TMEM132D: variants seen among roughly 807,000 people sequenced by gnomAD.
TMEM132D encodes transmembrane protein 132D.
In TMEM132D, 21 loss-of-function variants were observed where a neutral mutation model predicts 62.3. The observed-to-expected ratio is 0.34, with a 90% CI of 0.24 to 0.49. TMEM132D has a LOEUF of 0.49. Ranked by LOEUF, TMEM132D falls within the 20% of genes least tolerant of loss-of-function variation. TMEM132D has a pLI of 0.99. For synonymous variants in TMEM132D, 621 were observed against 575.6 expected (o/e 1.08, Z -1.13); for missense variants, 1,346 against 1,402.8 (o/e 0.96, Z 0.65).
chr12:129,318,356 C>T (rs963536853), intron 4 of TMEM132D, among the ~76,000 whole-genome samples: 2 of 152,156 alleles, frequency 1.3e-5, no homozygotes, highest in African/African-American at 2.4e-5. Context: ...TAATACTCTT[C>T]CCCTTTTCCT....
At chr12:129,797,280 C>T (rs1225963653) in intron 1 of TMEM132D, among the ~76,000 whole-genome samples, 1 of 152,164 alleles carries the variant, frequency 6.6e-6, no homozygotes, top group Non-Finnish European at 1.5e-5. Flanking sequence ...TTTCAGTTAC[C>T]TGTTTCCTGT....
In TMEM132D at chr12:129,254,034, C is replaced by T. The variant is rs557706018; in HGVS notation, c.1300-44371G>A. Among the ~76,000 whole-genome samples the T allele has an allele frequency of 1.8e-4, 28 of 152,310 alleles. 1 individual carries two copies. The highest frequency in any genetic ancestry group is 5.1e-4 in the African/African-American group (21 of 41,574). ...CTGACTTCCTTGGATAAAGCAAAAACGGACTTGGTGTATCAATAGAACCAA... is the reference window on the plus strand; with the variant it reads ...CTGACTTCCTTGGATAAAGCAAAAATGGACTTGGTGTATCAATAGAACCAA... On this transcript the variant is annotated intron_variant, in intron 4 of 8. Transcript: ENST00000422113.
chr12:129,420,479 A>C (rs1872285639), intron 3 of TMEM132D, among the ~76,000 whole-genome samples: 2 of 152,086 alleles, frequency 1.3e-5, no homozygotes, highest in African/African-American at 4.8e-5. Flanking sequence ...AGTATCATCG[A>C]AGGCTGTCAA....
At chr12:129,181,764 TC>T (rs1878071877) in intron 5 of TMEM132D, among the ~76,000 whole-genome samples, 1 of 152,220 alleles carries the variant, frequency 6.6e-6, no homozygotes, top group South Asian at 2.1e-4. Context: ...AGATTCCATT[TC>T]CAAGTCATCA....
intron 4 of TMEM132D, among the ~76,000 whole-genome samples, chr12:129,295,524 G>A (rs77638519): frequency 0.13 from 19,538 of 147,330 alleles, 1,361 homozygotes; most frequent in South Asian, 0.24. Context: ...TCCACCTCCC[G>A]GGTTCAAGCG....
chr12:129,877,628 C>CACACAGAG (rs869172595), intron 1 of TMEM132D, among the ~76,000 whole-genome samples: 7 of 146,854 alleles, frequency 4.8e-5, no homozygotes, highest in African/African-American at 1.3e-4. Flanking sequence ...CACACACACA[C>CACACAGAG]AGAGAGAGAG....
chr12:129,510,338 G>A (rs1447413942), intron 3 of TMEM132D, among the ~76,000 whole-genome samples: 1 of 151,912 alleles, frequency 6.6e-6, no homozygotes, highest in Admixed American at 6.6e-5. Flanking sequence ...AGAGTTGTTA[G>A]AGCTCCTTAT....
chr12:129,699,133 T>C (rs1881309087), intron 2 of TMEM132D, among the ~76,000 whole-genome samples: 1 of 152,208 alleles, frequency 6.6e-6, no homozygotes, highest in African/African-American at 2.4e-5. Flanking sequence ...CCTAGGCAAG[T>C]AGCTTCTCTC....
intron 5 of TMEM132D, among the ~76,000 whole-genome samples, chr12:129,184,619 A>C (rs1216194862): frequency 6.6e-6 from 1 of 152,166 alleles, no homozygotes; most frequent in Non-Finnish European, 1.5e-5. Context: ...TACAACACGA[A>C]GTTCACTGCA....
At chr12:129,136,445 G>A (rs1422776449) in intron 5 of TMEM132D, among the ~76,000 whole-genome samples, 1 of 152,124 alleles carries the variant, frequency 6.6e-6, no homozygotes, top group South Asian at 2.1e-4. Flanking sequence ...CCTCAGTTTG[G>A]ATAGTCCAGT....
chr12:129,799,558 C>T (rs968740003), intron 1 of TMEM132D, among the ~76,000 whole-genome samples: 7 of 152,004 alleles, frequency 4.6e-5, no homozygotes, highest in South Asian at 2.1e-4. Flanking sequence ...TCGTCTCCAC[C>T]GAGCATGTGA....
intron 3 of TMEM132D, among the ~76,000 whole-genome samples, chr12:129,426,374 GC>G (rs1872498146): frequency 1.3e-5 from 2 of 152,222 alleles, no homozygotes; most frequent in Admixed American, 1.3e-4. Flanking sequence ...ACACCTAGGA[GC>G]AAGGAGGCTC....
chr12:129,365,384 A>G (rs1241481830), intron 3 of TMEM132D, among the ~76,000 whole-genome samples: 1 of 152,194 alleles, frequency 6.6e-6, no homozygotes, highest in Non-Finnish European at 1.5e-5. Context: ...ATTAGGCACC[A>G]AAAACCCTTA....
chr12:129,638,594 T>G (rs181454574), intron 2 of TMEM132D, among the ~76,000 whole-genome samples: 104 of 6,860 alleles, frequency 0.015, no homozygotes, highest in East Asian at 0.099. Flanking sequence ...AAATATATAT[T>G]TTTATATATA....
At chr12:129,592,551 TATAAA>T (rs1486015686) in intron 2 of TMEM132D, among the ~76,000 whole-genome samples, 4 of 152,070 alleles carry the variant, frequency 2.6e-5, no homozygotes, top group Non-Finnish European at 5.9e-5. Flanking sequence ...TGTGGCATGA[TATAAA>T]ATAAAGATTG....
intron 5 of TMEM132D, among the ~76,000 whole-genome samples, chr12:129,089,150 G>GA (rs1392210380): frequency 2.4e-5 from 1 of 40,962 alleles, no homozygotes; most frequent in Non-Finnish European, 3.9e-5. Flanking sequence ...CTATGACCGG[G>GA]TGTCCTCCCT....
intron 1 of TMEM132D, among the ~76,000 whole-genome samples, chr12:129,765,814 A>G (rs1257252723): frequency 6.6e-6 from 1 of 152,196 alleles, no homozygotes; most frequent in Non-Finnish European, 1.5e-5. Flanking sequence ...TCATTTTGAT[A>G]TCCACAGGAG....
At chr12:129,446,449 C>T (rs1015078021) in intron 3 of TMEM132D, among the ~76,000 whole-genome samples, 4 of 152,172 alleles carry the variant, frequency 2.6e-5, no homozygotes, top group African/African-American at 9.7e-5. Context: ...AATACGATGT[C>T]TCAGGAATTG....
chr12:129,274,885 T>TCAAAAA (rs942315523), intron 4 of TMEM132D, among the ~76,000 whole-genome samples: 10 of 152,240 alleles, frequency 6.6e-5, no homozygotes, highest in Admixed American at 1.3e-4. Context: ...AGACTCCGTC[T>TCAAAAA]CAAAAACAAA....
Sources: allele counts gnomAD v4.1 joint callset (sites outside exome capture counted in the v4.1 genomes callset), GRCh38; gene constraint gnomAD v4.1.1; transcripts MANE v1.5; gene names NCBI Gene and HGNC (gene_info 2026-07-23, HGNC 2026-07-21).